Variants in SLC24A3 observed in about 807,000 individuals in gnomAD.
The protein encoded by SLC24A3 is sodium/potassium/calcium exchanger 3.
A neutral mutation model predicts 75.8 loss-of-function variants in SLC24A3; 28 were observed. The ratio of observed to expected loss-of-function variants is 0.37; its 90% confidence interval spans 0.27 to 0.51. The LOEUF (loss-of-function observed/expected upper bound fraction) is 0.51. Among genes scored for constraint, SLC24A3 ranks in the 20% least tolerant of loss-of-function variants. SLC24A3 has a pLI of 0.94. For missense variants in SLC24A3, 663 were observed against 847.8 expected, an observed-to-expected ratio of 0.78 and a Z score of 2.71; for synonymous variants, 372 against 334.1, an observed-to-expected ratio of 1.11 and a Z score of -1.24.
chr20:19,342,080 T>C (rs919779500), intron 2 of SLC24A3, among the ~76,000 whole-genome samples: 1 of 152,260 alleles, frequency 6.6e-6, no homozygotes, highest in African/African-American at 2.4e-5. Flanking sequence ...ATATGGAAAC[T>C]TAAGGTGGGG....
At position 19,654,232 on chromosome 20, in the gene SLC24A3, G is replaced by A. The variant is rs1006837801; in HGVS notation, c.687+96G>A. 2.4e-5 allele frequency: 26 copies of A among 1,104,404 alleles called. No individual in the cohort carries two copies. The Middle Eastern group carries it at 6.8e-4, about 29-fold the overall frequency. The allele number at this position is 1,104,404 out of a possible 1,614,324, so 68.4% of individuals were successfully genotyped here. On this transcript the variant is annotated intron_variant, in intron 7 of 16. Transcript: ENST00000328041. ...CACATGGAGTTCACTCGAGGTCACC[G>A]GTGGCGAGTGCGAGATGCATGTCTT...
rs958882901 is a variant in SLC24A3, at chr20:19,718,432, G to A, written c.1785+839G>A. ...GTGATATTTGTAATAGCCACACGCC[G>A]TACTTAATGTTTTGTATACATATCT... is the stretch of plus-strand genomic sequence containing the variant. On this transcript the variant is annotated intron_variant, in intron 16 of 16. Coordinates refer to ENST00000328041, the MANE Select transcript of SLC24A3 (RefSeq NM_020689.4). Among the ~76,000 whole-genome samples the A allele has an allele frequency of 7.9e-5, 12 of 152,318 alleles. No individual in the cohort carries two copies. The East Asian group carries it at 9.6e-4, about 12-fold the overall frequency.
intron 2 of SLC24A3, among the ~76,000 whole-genome samples, chr20:19,443,387 A>C (rs1010921081): frequency 8.0e-5 from 12 of 149,240 alleles, no homozygotes; most frequent in African/African-American, 3.1e-4. Flanking sequence ...TACAGATCTT[A>C]TACATAGTTT....
At chr20:19,375,489 C>A (rs1986068819) in intron 2 of SLC24A3, among the ~76,000 whole-genome samples, 1 of 152,104 alleles carries the variant, frequency 6.6e-6, no homozygotes, top group Non-Finnish European at 1.5e-5. Flanking sequence ...CAGGAGGAAA[C>A]CCCAGTGTCA....
intron 2 of SLC24A3, among the ~76,000 whole-genome samples, chr20:19,342,088 G>T (rs559367466): frequency 3.9e-5 from 6 of 152,296 alleles, no homozygotes; most frequent in Admixed American, 2.6e-4. Context: ...ACTTAAGGTG[G>T]GGCACCAACT....
chr20:19,717,694 C>A, intron 16 of SLC24A3, 101 bp downstream of exon 16: 1 of 1,263,386 alleles, frequency 7.9e-7, no homozygotes, highest in Non-Finnish European at 1.1e-6. Context: ...TGACTGGGTA[C>A]AAGCAACCTC....
At chr20:19,687,671 G>T (rs1156635222) in intron 12 of SLC24A3, among the ~76,000 whole-genome samples, 1 of 152,224 alleles carries the variant, frequency 6.6e-6, no homozygotes. Flanking sequence ...CCCTCCAGGG[G>T]ACAATGAAAG....
chr20:19,568,395 G>C (rs1449804784), intron 3 of SLC24A3, among the ~76,000 whole-genome samples: 1 of 152,116 alleles, frequency 6.6e-6, no homozygotes, highest in Non-Finnish European at 1.5e-5. Context: ...AAGCACATTT[G>C]GTATAGACAT....
intron 1 of SLC24A3, among the ~76,000 whole-genome samples, chr20:19,262,766 A>T (rs529570629): frequency 6.6e-6 from 1 of 152,206 alleles, no homozygotes; most frequent in Admixed American, 6.5e-5. Context: ...AATCCCACCC[A>T]CTTTACACTA....
intron 2 of SLC24A3, among the ~76,000 whole-genome samples, chr20:19,475,296 G>A (rs1015875555): frequency 6.0e-5 from 9 of 151,112 alleles, no homozygotes; most frequent in African/African-American, 1.2e-4. Flanking sequence ...CTGAGATCGC[G>A]CCACTACACT....
At chr20:19,699,465 A>G (rs1889847977) in intron 15 of SLC24A3, among the ~76,000 whole-genome samples, 1 of 152,236 alleles carries the variant, frequency 6.6e-6, no homozygotes, top group Admixed American at 6.5e-5. Context: ...ATGTCAACAG[A>G]TGGTAGTAAC....
chr20:19,240,536 C>G (rs1306257448), intron 1 of SLC24A3, among the ~76,000 whole-genome samples: 1 of 152,148 alleles, frequency 6.6e-6, no homozygotes, highest in Admixed American at 6.5e-5. Context: ...AGAGGAGGTG[C>G]TGCTGCAGTA....
chr20:19,300,724 G>A (rs925446581), intron 2 of SLC24A3, among the ~76,000 whole-genome samples: 4 of 152,074 alleles, frequency 2.6e-5, no homozygotes, highest in African/African-American at 9.7e-5. Flanking sequence ...CAGTGTCTGG[G>A]GAGAAGAGAC....
rs6046078 is a variant in SLC24A3 at position 19,417,942 on chromosome 20, T to C, written c.272-97546T>C. Reference sequence around the variant, plus strand: ...AGTTGGAGGAGTGGAGGAGTCCTTTTGGGAGAAACCAATCTGCTCAAAACA... The same window carrying C: ...AGTTGGAGGAGTGGAGGAGTCCTTTCGGGAGAAACCAATCTGCTCAAAACA... On this transcript the variant is annotated intron_variant, in intron 2 of 16. Coordinates refer to ENST00000328041, the MANE Select transcript of SLC24A3 (RefSeq NM_020689.4). 2.2e-3 allele frequency among the ~76,000 whole-genome samples: 333 copies of C among 152,288 alleles called. 1 individual carries two copies. Among genetic ancestry groups the C allele is most frequent in the African/African-American group, 7.5e-3 (313 of 41,566 alleles).
chr20:19,393,647 A>C (rs921872666), intron 2 of SLC24A3, among the ~76,000 whole-genome samples: 1 of 152,182 alleles, frequency 6.6e-6, no homozygotes, highest in Non-Finnish European at 1.5e-5. Context: ...AAACTTAACC[A>C]AGGAGGAAGG....
At chr20:19,267,916 T>C (rs1367130585) in intron 1 of SLC24A3, among the ~76,000 whole-genome samples, 1 of 152,214 alleles carries the variant, frequency 6.6e-6, no homozygotes, top group Non-Finnish European at 1.5e-5. Context: ...ATATCACTTG[T>C]CTTTTTATGA....
intron 2 of SLC24A3, among the ~76,000 whole-genome samples, chr20:19,380,771 T>C (rs116314503): frequency 0.01 from 1,575 of 152,330 alleles, 26 homozygotes; most frequent in African/African-American, 0.036. Flanking sequence ...AGAGGTAAAC[T>C]GATGTCCAAA....
chr20:19,634,158 T>C (rs2122689564), intron 6 of SLC24A3, among the ~76,000 whole-genome samples: 1 of 152,294 alleles, frequency 6.6e-6, no homozygotes, highest in African/African-American at 2.4e-5. Flanking sequence ...TGCTCCATGG[T>C]AGTGGTGTTT....
chr20:19,563,931 C>T (rs1423333522), intron 3 of SLC24A3, among the ~76,000 whole-genome samples: 2 of 152,182 alleles, frequency 1.3e-5, no homozygotes, highest in Non-Finnish European at 2.9e-5. Context: ...AAGTAGGTTT[C>T]TTACCAACCT....
Sources: gnomAD v4.1 joint callset for allele counts (sites outside exome capture counted in the v4.1 genomes callset) on GRCh38, gnomAD v4.1.1 for gene constraint, MANE v1.5 for transcripts, NCBI Gene and HGNC (gene_info 2026-07-23, HGNC 2026-07-21) for gene names.